UBASH3B: variants seen among roughly 807,000 people sequenced by gnomAD.
The protein encoded by UBASH3B is ubiquitin-associated and SH3 domain-containing protein B.
UBASH3B carries 37 observed loss-of-function variants against 83.4 expected under a neutral mutation model. The ratio of observed to expected loss-of-function variants is 0.44; its 90% confidence interval spans 0.34 to 0.58. The LOEUF is 0.58. Among genes scored for constraint, UBASH3B ranks in the 20% least tolerant of loss-of-function variants. The probability of loss-of-function intolerance (pLI) is 0.01; values close to 1 mark genes in which losing one functional copy is unlikely to be tolerated. For missense variants in UBASH3B, 657 were observed against 827.2 expected (o/e 0.79, Z 2.52); for synonymous variants, 304 against 318.3 (o/e 0.96, Z 0.48).
chr11:122,729,223 T>C (rs1039609053), intron 1 of UBASH3B, among the ~76,000 whole-genome samples: 1 of 152,108 alleles, frequency 6.6e-6, no homozygotes, highest in South Asian at 2.1e-4. Context: ...TCCCTGCAGT[T>C]CCCACTGAGA....
At chr11:122,736,288 T>G (rs1214890395) in intron 1 of UBASH3B, among the ~76,000 whole-genome samples, 1 of 152,118 alleles carries the variant, frequency 6.6e-6, no homozygotes. Flanking sequence ...TTCTCAGAAC[T>G]GTGTAACTCA....
intron 1 of UBASH3B, among the ~76,000 whole-genome samples, chr11:122,742,056 G>A (rs1319513984): frequency 1.3e-5 from 2 of 152,172 alleles, no homozygotes; most frequent in Non-Finnish European, 2.9e-5. Flanking sequence ...CACAAAACTA[G>A]CACAGCGGCA....
intron 1 of UBASH3B, among the ~76,000 whole-genome samples, chr11:122,763,336 T>C (rs1175076363): frequency 6.6e-6 from 1 of 152,168 alleles, no homozygotes; most frequent in Non-Finnish European, 1.5e-5. Context: ...AGGCCTCCTA[T>C]ATGGGCTGCT....
At chr11:122,699,561 C>CTTTCTTTATTTCT (rs1591775182) in intron 1 of UBASH3B, among the ~76,000 whole-genome samples, 1 of 134,170 alleles carries the variant, frequency 7.5e-6, no homozygotes. Context: ...TTCTTTCTTT[C>CTTTCTTTATTTCT]TTTCTTTCTT....
At chr11:122,662,105 T>A (rs1863451586) in intron 1 of UBASH3B, among the ~76,000 whole-genome samples, 1 of 151,948 alleles carries the variant, frequency 6.6e-6, no homozygotes, top group Non-Finnish European at 1.5e-5. Context: ...CAGAGTTTTA[T>A]CATGTTGGTC....
chr11:122,804,088 C>G (rs548775481), intron 11 of UBASH3B, among the ~76,000 whole-genome samples: 3 of 152,138 alleles, frequency 2.0e-5, no homozygotes, highest in African/African-American at 4.8e-5. Context: ...CTACATAAAT[C>G]TCACACATTA....
chr11:122,805,284 C>A (rs1012784623), intron 11 of UBASH3B, among the ~76,000 whole-genome samples: 1 of 152,162 alleles, frequency 6.6e-6, no homozygotes, highest in Non-Finnish European at 1.5e-5. Context: ...AATCCCAGCA[C>A]TTTGGGAGGC....
chr11:122,797,178 C>T, intron 9 of UBASH3B, 145 bp downstream of exon 9: 1 of 1,175,856 alleles, frequency 8.5e-7, no homozygotes, highest in Non-Finnish European at 1.2e-6. Context: ...TACTACACAA[C>T]CATTAAGTTT....
At chr11:122,694,656 T>C (rs972716045) in intron 1 of UBASH3B, among the ~76,000 whole-genome samples, 2 of 152,170 alleles carry the variant, frequency 1.3e-5, no homozygotes, top group African/African-American at 4.8e-5. Flanking sequence ...AATGGGTTGA[T>C]GGTAGAAATG....
Position 122,773,915 on chromosome 11 carries a change from T to C in UBASH3B, c.162-2304T>C, listed in dbSNP as rs761996321. The stretch of plus-strand genomic sequence containing the variant: ...TGAATTCCTTATATAAATAGCACAT[T>C]GTCTGGTGCCACAAATGCGTTTTCC... On this transcript the variant is annotated intron_variant, in intron 1 of 13. Transcript: ENST00000284273. The C allele has an allele frequency of 7.7e-5, 71 of 924,442 alleles. No individual in the cohort carries two copies. In the East Asian group the frequency reaches 1.3e-3, roughly 17 times the overall value. The allele number at this position is 924,442 out of a possible 1,614,324, so 57.3% of individuals were successfully genotyped here. A position where few individuals can be genotyped will look rare whatever the true frequency, so the allele number is the denominator to read the frequency against.
At chr11:122,800,057 A>G (rs1861224719) in intron 10 of UBASH3B, among the ~76,000 whole-genome samples, 1 of 152,234 alleles carries the variant, frequency 6.6e-6, no homozygotes, top group Admixed American at 6.5e-5. Context: ...CTAAGCAGGG[A>G]CTATTTCTAG....
chr11:122,751,132 G>A (rs948020774), intron 1 of UBASH3B, among the ~76,000 whole-genome samples: 4 of 152,092 alleles, frequency 2.6e-5, no homozygotes, highest in Non-Finnish European at 5.9e-5. Flanking sequence ...TTGGGAAAGT[G>A]CATAATTTAT....
chr11:122,690,202 A>AAT (rs1565530305), intron 1 of UBASH3B, among the ~76,000 whole-genome samples: 3,102 of 40,276 alleles, frequency 0.077, 91 homozygotes, highest in South Asian at 0.1. Flanking sequence ...ATATATATAT[A>AAT]TATATATCCA....
chr11:122,727,092 T>C (rs1259716232), intron 1 of UBASH3B, among the ~76,000 whole-genome samples: 1 of 152,242 alleles, frequency 6.6e-6, no homozygotes, highest in Non-Finnish European at 1.5e-5. Context: ...TTTCAAAACT[T>C]CTGAGCCTTA....
chr11:122,689,850 T>C (rs1863860067), intron 1 of UBASH3B, among the ~76,000 whole-genome samples: 3 of 152,064 alleles, frequency 2.0e-5, no homozygotes, highest in Admixed American at 2.0e-4. Context: ...TGATTTACTA[T>C]AAAGGATATT....
chr11:122,788,194 T>C (rs1385330305), intron 5 of UBASH3B, among the ~76,000 whole-genome samples: 1 of 152,246 alleles, frequency 6.6e-6, no homozygotes, highest in Non-Finnish European at 1.5e-5. Context: ...CACTGATGTC[T>C]AGACATTTTT....
intron 1 of UBASH3B, among the ~76,000 whole-genome samples, chr11:122,720,158 G>C (rs1565540554): frequency 6.6e-6 from 1 of 152,114 alleles, no homozygotes; most frequent in African/African-American, 2.4e-5. Context: ...CCATTTTCCA[G>C]ACTCCGTACT....
chr11:122,682,722 C>G (rs986198621), intron 1 of UBASH3B, among the ~76,000 whole-genome samples: 1 of 152,196 alleles, frequency 6.6e-6, no homozygotes, highest in African/African-American at 2.4e-5. Flanking sequence ...CAAGAGGGAG[C>G]TGCACCAAGC....
chr11:122,682,591 C>G (rs1290658927), intron 1 of UBASH3B, among the ~76,000 whole-genome samples: 2 of 152,112 alleles, frequency 1.3e-5, no homozygotes, highest in African/African-American at 2.4e-5. Context: ...TCTTTCTAAC[C>G]GAGAGCTTCT....
Sources: gnomAD v4.1 joint callset for allele counts (sites outside exome capture counted in the v4.1 genomes callset) on GRCh38, gnomAD v4.1.1 for gene constraint, MANE v1.5 for transcripts, NCBI Gene and HGNC (gene_info 2026-07-23, HGNC 2026-07-21) for gene names.